The following USP54 variants were observed in gnomAD, a reference collection of about 807,000 sequenced individuals.
The protein encoded by USP54 is ubiquitin carboxyl-terminal hydrolase 54.
Under a neutral mutation model 170.5 loss-of-function variants are expected in USP54, and 87 were observed. That is an observed-to-expected ratio of 0.51 (90% CI 0.43 to 0.61). USP54 has a LOEUF of 0.61. Among genes scored for constraint, USP54 ranks in the 20% least tolerant of loss-of-function variants. USP54 has a pLI of 0.00. For synonymous variants in USP54, 655 were observed against 742.8 expected (o/e 0.88, Z 1.92); for missense variants, 1,786 against 2,047.8 (o/e 0.87, Z 2.47).
Position 73,498,934 on chromosome 10 carries a change from T to C in USP54, c.4750A>G (p.Thr1584Ala). 2 of 1,613,922 alleles carry C rather than the reference T, an allele frequency of 1.2e-6. No homozygotes were observed. The highest frequency in any genetic ancestry group is 1.7e-6 in the Non-Finnish European group (2 of 1,179,958). Residue 1584 changes from threonine (T) to alanine (A), a missense_variant, in exon 24 of 24, where the codon ACT (threonine) becomes GCT (alanine). Physicochemically the swap from Thr to Ala is moderately conservative, Grantham distance 58. Coordinates refer to ENST00000687698, the MANE Select transcript of USP54 (RefSeq NM_001391956.1). ...ERSKGLQVPH[T>A]QSWSDLFHSP... ...TGGAAAAGATCACTCCAGGACTGAG[T>C]GTGAGGAACCTGAAGGCCCTTGCTT...
At chr10:73,560,663 CAAAAAAAAAAAA>C (rs751168962) in intron 4 of USP54, among the ~76,000 whole-genome samples, 11 of 16,472 alleles carry the variant, frequency 6.7e-4, no homozygotes, top group African/African-American at 8.8e-4. Context: ...AACTCCGTCT[CAAAAAAAAAAAA>C]AAAAAAAAAA....
At chr10:73,536,542 A>G in intron 10 of USP54, 105 bp from the exon 11 acceptor site, 2 of 1,311,546 alleles carry the variant, frequency 1.5e-6, no homozygotes, top group African/African-American at 3.0e-5. Flanking sequence ...AGAGATGAAA[A>G]GATAAGAATT....
chr10:73,534,999 A>G (rs2133441881), intron 11 of USP54, among the ~76,000 whole-genome samples: 1 of 152,214 alleles, frequency 6.6e-6, no homozygotes, highest in Admixed American at 6.5e-5. Context: ...TGAAGCCCTC[A>G]CTTTGCCTGC....
chr10:73,562,826 G>A (rs150143057), intron 4 of USP54, among the ~76,000 whole-genome samples: 37 of 152,286 alleles, frequency 2.4e-4, no homozygotes, highest in African/African-American at 8.2e-4. Context: ...GAACTGCGAG[G>A]TGGTTACATG....
At chr10:73,562,366 C>G (rs1048141150) in intron 4 of USP54, among the ~76,000 whole-genome samples, 1 of 152,186 alleles carries the variant, frequency 6.6e-6, no homozygotes, top group Non-Finnish European at 1.5e-5. Flanking sequence ...TTAAACCTCT[C>G]CAACTGATTA....
chr10:73,562,634 T>C (rs922439668), intron 4 of USP54, among the ~76,000 whole-genome samples: 2 of 152,220 alleles, frequency 1.3e-5, no homozygotes, highest in African/African-American at 4.8e-5. Context: ...GAATTCATTT[T>C]CATTACTATA....
At chr10:73,596,596 G>A (rs1417128058) in intron 1 of USP54, among the ~76,000 whole-genome samples, 2 of 151,460 alleles carry the variant, frequency 1.3e-5, no homozygotes, top group African/African-American at 2.4e-5. Flanking sequence ...GTACGCGCCT[G>A]TAATCCCAGC....
intron 1 of USP54, among the ~76,000 whole-genome samples, chr10:73,600,430 T>C (rs893581740): frequency 2.6e-5 from 4 of 152,164 alleles, no homozygotes; most frequent in African/African-American, 9.7e-5. Flanking sequence ...AGTTGTAAAA[T>C]TGTACTATAA....
At chr10:73,514,607 GA>G in intron 20 of USP54, among the ~76,000 whole-genome samples, 1 of 151,588 alleles carries the variant, frequency 6.6e-6, no homozygotes, top group Non-Finnish European at 1.5e-5. Flanking sequence ...TCCTTAGATA[GA>G]AAGCTCACTG....
At chr10:73,625,212 C>T (rs2081423336) in intron 1 of USP54, among the ~76,000 whole-genome samples, 1 of 151,524 alleles carries the variant, frequency 6.6e-6, no homozygotes, top group African/African-American at 2.4e-5. Flanking sequence ...GAATCGCTCT[C>T]TCCCGCCCCC....
chr10:73,520,199 A>G (rs769604403), intron 18 of USP54: 32 of 660,680 alleles, frequency 4.8e-5, no homozygotes, highest in Non-Finnish European at 7.0e-5. Context: ...TGGAGGCCAA[A>G]CAGGTTAATC....
rs1208558815 is a variant in USP54 at position 73,624,198 on chromosome 10, A to ATT, written c.-18+1367_-18+1368dup. Among the ~76,000 whole-genome samples the ATT allele has an allele frequency of 1.1e-3, 116 of 102,428 alleles. 1 individual carries two copies. Among genetic ancestry groups the ATT allele is most frequent in the African/African-American group, 4.0e-3 (96 of 24,140 alleles). 67.2% of individuals were successfully genotyped at this position (102,428 alleles called of 152,430 possible). A position where few individuals can be genotyped will look rare whatever the true frequency, so the allele number is the denominator to read the frequency against. ...TATATATATATATATATATATATGT[A>ATT]TTTTTTTTTTTTTTTTTGAGACGGA... On this transcript the variant is annotated intron_variant, in intron 1 of 22. Transcript: ENST00000339859.
In USP54 at chr10:73,543,123, G is replaced by C. The variant is rs1590204551; in HGVS notation, c.384C>G (p.Leu128=). Residue 128 remains leucine, a synonymous_variant, in exon 6 of 24, where the codon CTC becomes CTG. Coordinates refer to ENST00000687698, the MANE Select transcript of USP54 (RefSeq NM_001391956.1). ...CAATGTGGAAGTGAATTCTCATCAGGAGGTTTTCCTGACAGGGAAAGAACA... is the reference window on the plus strand; with the variant it reads ...CAATGTGGAAGTGAATTCTCATCAGCAGGTTTTCCTGACAGGGAAAGAACA... ...MDDAAECFEN[L]LMRIHFHIAD... The C allele has an allele frequency of 5.0e-6, 8 of 1,613,004 alleles. No individual in the cohort carries two copies. The East Asian group carries it at 1.8e-4, about 36-fold the overall frequency.
At chr10:73,576,548 G>GA (rs148172640) in intron 1 of USP54, among the ~76,000 whole-genome samples, 187 bp from the exon 2 acceptor site, 1 of 149,770 alleles carries the variant, frequency 6.7e-6, no homozygotes, top group Non-Finnish European at 1.5e-5. Context: ...TAAAGAGAAG[G>GA]AAAAAAAGGT....
At chr10:73,552,466 TACACAC>T (rs374761038) in intron 4 of USP54, among the ~76,000 whole-genome samples, 2 of 146,560 alleles carry the variant, frequency 1.4e-5, no homozygotes, top group Non-Finnish European at 3.0e-5. Flanking sequence ...ATTAAATGAG[TACACAC>T]ACACACACAC....
In USP54 at chr10:73,565,531, T is replaced by C. The variant is rs529336512; in HGVS notation, c.240+5890A>G. ...ATCCTATTTCAAATAAATAAATAAA[T>C]AAATAACTTAGCCTACCTACTCTGA... On this transcript the variant is annotated intron_variant, in intron 4 of 23. Coordinates refer to ENST00000687698, the MANE Select transcript of USP54 (RefSeq NM_001391956.1). Among the ~76,000 whole-genome samples the C allele has an allele frequency of 1.9e-4, 29 of 151,924 alleles. 1 individual carries two copies. The South Asian group carries it at 6.0e-3, about 32-fold the overall frequency.
chr10:73,500,770 G>A lies in USP54; in HGVS notation c.4380C>T (p.Val1460=). 1 of 1,600,976 alleles carries A rather than the reference G, an allele frequency of 6.2e-7. No individual in the cohort carries two copies. Among genetic ancestry groups the A allele is most frequent in the Non-Finnish European group, 8.5e-7 (1 of 1,175,506 alleles). ...HRCSSSSSLP[V]IHDPSVFLLG... ...GGAGAAACACAGAAGGGTCATGGAT[G>A]ACAGGGAGGGAAGAGGAGCTGGAAC... The change falls in exon 23 of 24, where the codon GTC becomes GTT. Residue 1460 remains valine, a synonymous_variant. Transcript: ENST00000687698.
At chr10:73,530,065 T>C in intron 14 of USP54, 78 bp downstream of exon 14, 1 of 1,526,594 alleles carries the variant, frequency 6.6e-7, no homozygotes, top group Middle Eastern at 2.3e-4. Context: ...TTGCCAGATG[T>C]ACCAAAAAAC....
Position 73,534,580 on chromosome 10 carries a change from C to A in USP54, c.1315+20G>T, listed in dbSNP as rs755442643. On this transcript the variant is annotated intron_variant, in intron 12 of 23. Transcript: ENST00000687698. ...CAGGAATTGATTCAGGCAAGCAGGACCCTCTGTATAAGTCCCTACCTGTGT... is the reference window on the plus strand; with the variant it reads ...CAGGAATTGATTCAGGCAAGCAGGAACCTCTGTATAAGTCCCTACCTGTGT... 6.2e-7 allele frequency: 1 copy of A among 1,610,034 alleles called. No homozygotes were observed. Among genetic ancestry groups the A allele is most frequent in the East Asian group, 2.2e-5 (1 of 44,780 alleles).
Sources: gnomAD v4.1 joint callset for allele counts (sites outside exome capture counted in the v4.1 genomes callset) on GRCh38, gnomAD v4.1.1 for gene constraint, MANE v1.5 for transcripts, NCBI Gene and HGNC (gene_info 2026-07-23, HGNC 2026-07-21) for gene names.